The following KIRREL3 variants were observed in gnomAD, a reference collection of about 807,000 sequenced individuals.
KIRREL3 encodes the protein kirre like nephrin family adhesion molecule 3, also known as kin of IRRE-like protein 3.
Under a neutral mutation model 89.7 loss-of-function variants are expected in KIRREL3, and 36 were observed. The ratio of observed to expected loss-of-function variants is 0.40; its 90% confidence interval spans 0.31 to 0.53. The LOEUF is 0.53. Among genes scored for constraint, KIRREL3 ranks in the 20% least tolerant of loss-of-function variants. The probability of loss-of-function intolerance (pLI) is 0.49; values close to 1 mark genes in which losing one functional copy is unlikely to be tolerated. For synonymous variants in KIRREL3, 445 were observed against 441.4 expected (o/e 1.01, Z -0.10); for missense variants, 864 against 1,056.6 (o/e 0.82, Z 2.53).
chr11:126,929,884 T>C (rs983465271), intron 1 of KIRREL3, among the ~76,000 whole-genome samples: 2 of 151,724 alleles, frequency 1.3e-5, no homozygotes, highest in South Asian at 4.2e-4. Context: ...AGTAACACCA[T>C]GTGACATAAC....
At position 126,977,710 on chromosome 11, in the gene KIRREL3, C is replaced by T. The variant is rs1219743664; in HGVS notation, c.55+22745G>A. Among the ~76,000 whole-genome samples the T allele has an allele frequency of 6.6e-6, 1 of 152,164 alleles. No individual in the cohort carries two copies. The highest frequency in any genetic ancestry group is 1.5e-5 in the Non-Finnish European group (1 of 68,044). The stretch of plus-strand genomic sequence containing the variant: ...ACTTGAGCCCAGAGTGACAGAGTCC[C>T]TTATTGATTTTTCCCCAACCTTCTG... On this transcript the variant is annotated intron_variant, in intron 1 of 16. Coordinates refer to ENST00000525144, the MANE Select transcript of KIRREL3 (RefSeq NM_032531.4). This position sits in a 1 kb window ranked among gnomAD's most constrained non-coding sequence, Gnocchi z 4.7.
chr11:126,958,275 T>C (rs1178172352), intron 1 of KIRREL3, among the ~76,000 whole-genome samples: 1 of 152,212 alleles, frequency 6.6e-6, no homozygotes, highest in Non-Finnish European at 1.5e-5. Flanking sequence ...ATTGGAAACA[T>C]GGAGATGTCC....
rs150311031 is a variant in KIRREL3, at chr11:126,636,957, G to A, written c.56-74045C>T. Reference sequence around the variant, plus strand: ...AGAGATGACTGAGGGATAAAAAGGCGATGTGAAAGTCCCTAGGAGGGTAGG... The same window carrying A: ...AGAGATGACTGAGGGATAAAAAGGCAATGTGAAAGTCCCTAGGAGGGTAGG... On this transcript the variant is annotated intron_variant, in intron 1 of 16. Coordinates refer to ENST00000525144, the MANE Select transcript of KIRREL3 (RefSeq NM_032531.4). The surrounding 1 kb of genome is among the most constrained non-coding windows in gnomAD (Gnocchi z 4.4). 4.0e-3 allele frequency among the ~76,000 whole-genome samples: 602 copies of A among 152,306 alleles called. 1 individual carries two copies. Among genetic ancestry groups the A allele is most frequent in the African/African-American group, 0.014 (565 of 41,562 alleles).
chr11:126,971,136 T>C (rs1949415976), intron 1 of KIRREL3, among the ~76,000 whole-genome samples: 1 of 152,172 alleles, frequency 6.6e-6, no homozygotes. Flanking sequence ...TATTTACGAG[T>C]ACAAAGTATT....
chr11:126,838,108 T>C (rs1943840894), intron 1 of KIRREL3, among the ~76,000 whole-genome samples: 1 of 152,196 alleles, frequency 6.6e-6, no homozygotes, highest in African/African-American at 2.4e-5. Context: ...GGTAATAAGA[T>C]ACAGCAACTA....
At chr11:126,942,755 T>A (rs1346046624) in intron 1 of KIRREL3, among the ~76,000 whole-genome samples, 1 of 152,004 alleles carries the variant, frequency 6.6e-6, no homozygotes, top group Non-Finnish European at 1.5e-5. Context: ...ACTCCAAGAG[T>A]AGATGCGCTC....
intron 2 of KIRREL3, chr11:126,543,848 C>G (rs181467778): frequency 6.6e-6 from 1 of 152,376 alleles, no homozygotes. Flanking sequence ...TCTCTCTGCT[C>G]GGCCTTGGGC....
chr11:126,728,538 T>A (rs1948484305), intron 1 of KIRREL3, among the ~76,000 whole-genome samples: 1 of 152,108 alleles, frequency 6.6e-6, no homozygotes, highest in Non-Finnish European at 1.5e-5. Context: ...GGGTGTCTGA[T>A]CACCTGAGTG....
At chr11:126,717,298 C>G (rs750210927) in intron 1 of KIRREL3, among the ~76,000 whole-genome samples, 1 of 152,100 alleles carries the variant, frequency 6.6e-6, no homozygotes, top group Non-Finnish European at 1.5e-5. Flanking sequence ...CCGTCCAAGG[C>G]TGTCATGTTA....
At position 126,780,145 on chromosome 11, in the gene KIRREL3, G is replaced by A. The variant is rs149300662; in HGVS notation, c.56-217233C>T. Among the ~76,000 whole-genome samples, 25 of 152,268 alleles carry A rather than the reference G, an allele frequency of 1.6e-4. No individual in the cohort carries two copies. The East Asian group carries it at 4.8e-3, about 29-fold the overall frequency. ...GAGATGGACATGGAAGCACAGGGGA[G>A]AGACAAGCGGGGAGAAATTCAGGTT... On this transcript the variant is annotated intron_variant, in intron 1 of 16. Transcript: ENST00000525144. This position sits in a 1 kb window ranked among gnomAD's most constrained non-coding sequence, Gnocchi z 5.3.
In KIRREL3 at chr11:126,946,891, G is replaced by T; in HGVS notation, c.55+53564C>A. On this transcript the variant is annotated intron_variant, in intron 1 of 16. Coordinates refer to ENST00000525144, the MANE Select transcript of KIRREL3 (RefSeq NM_032531.4). The surrounding 1 kb of genome is among the most constrained non-coding windows in gnomAD (Gnocchi z 4.1). ...CTAGGGTGTGGTGGGCCTTGAACTAGGCATTTGGTATCACCATACAGAGAT... is the reference window on the plus strand; with the variant it reads ...CTAGGGTGTGGTGGGCCTTGAACTATGCATTTGGTATCACCATACAGAGAT... Among the ~76,000 whole-genome samples, 1 of 152,180 alleles carries T rather than the reference G, an allele frequency of 6.6e-6. No individual in the cohort carries two copies. The highest frequency in any genetic ancestry group is 1.9e-4 in the East Asian group (1 of 5,198).
chr11:126,545,482 G>A (rs921333985), intron 2 of KIRREL3, among the ~76,000 whole-genome samples: 1 of 152,038 alleles, frequency 6.6e-6, no homozygotes, highest in African/African-American at 2.4e-5. Flanking sequence ...GGAAATTAGA[G>A]TCCCTGGGCC....
chr11:126,597,607 A>C (rs1942458780), intron 1 of KIRREL3, among the ~76,000 whole-genome samples: 1 of 152,154 alleles, frequency 6.6e-6, no homozygotes, highest in South Asian at 2.1e-4. Context: ...TTGGAGCTCC[A>C]AACTATTTCG....
chr11:126,665,183 C>T (rs1351835482), intron 1 of KIRREL3, among the ~76,000 whole-genome samples: 2 of 152,134 alleles, frequency 1.3e-5, no homozygotes, highest in Admixed American at 1.3e-4. Flanking sequence ...AAAAACAGAG[C>T]CCATTAAAAA....
At chr11:126,848,149 C>T (rs1327613713) in intron 1 of KIRREL3, among the ~76,000 whole-genome samples, 2 of 152,164 alleles carry the variant, frequency 1.3e-5, no homozygotes, top group South Asian at 2.1e-4. Context: ...TTACCCAACT[C>T]ATAGGTATTT....
rs562938458 is a variant in KIRREL3 at position 126,492,993 on chromosome 11, G to A, written c.434-19527C>T. Among the ~76,000 whole-genome samples, 3 of 152,342 alleles carry A rather than the reference G, an allele frequency of 2.0e-5. No individual in the cohort carries two copies. The highest frequency in any genetic ancestry group is 1.9e-4 in the East Asian group (1 of 5,174). ...GGCCGTAGAACAGCCTCGGTGCTGCGGCTAACTGACAGGGGGCAGGAATTG... is the reference window on the plus strand; with the variant it reads ...GGCCGTAGAACAGCCTCGGTGCTGCAGCTAACTGACAGGGGGCAGGAATTG... On this transcript the variant is annotated intron_variant, in intron 4 of 16. Transcript: ENST00000525144. The surrounding 1 kb of genome is among the most constrained non-coding windows in gnomAD (Gnocchi z 4.8).
intron 1 of KIRREL3, among the ~76,000 whole-genome samples, chr11:126,959,774 G>A (rs1410928491): frequency 6.9e-6 from 1 of 145,896 alleles, no homozygotes; most frequent in Non-Finnish European, 1.5e-5. Flanking sequence ...CCAACCTGGG[G>A]GCCACCTCTT....
intron 1 of KIRREL3, among the ~76,000 whole-genome samples, chr11:126,920,798 T>C (rs529789423): frequency 4.6e-4 from 70 of 152,192 alleles, no homozygotes; most frequent in Non-Finnish European, 7.9e-4. Context: ...CGTACCTTCC[T>C]AGAAAACCCC....
Position 126,860,610 on chromosome 11 carries a change from A to T in KIRREL3, c.55+139845T>A, listed in dbSNP as rs368149818. On this transcript the variant is annotated intron_variant, in intron 1 of 16. Coordinates refer to ENST00000525144, the MANE Select transcript of KIRREL3 (RefSeq NM_032531.4). This position sits in a 1 kb window ranked among gnomAD's most constrained non-coding sequence, Gnocchi z 4.6. ...CAAAGGCCTTGGATTAGGGCTGAAGAGTTGGGACCTACCCTATAAACAACG... is the reference window on the plus strand; with the variant it reads ...CAAAGGCCTTGGATTAGGGCTGAAGTGTTGGGACCTACCCTATAAACAACG... 1.2e-3 allele frequency among the ~76,000 whole-genome samples: 183 copies of T among 152,288 alleles called. 3 individuals are homozygous for T. In the South Asian group the frequency reaches 0.036, roughly 30 times the overall value.
Sources: allele counts gnomAD v4.1 joint callset (sites outside exome capture counted in the v4.1 genomes callset), GRCh38; gene constraint gnomAD v4.1.1; non-coding constraint Gnocchi (gnomAD v3.1); transcripts MANE v1.5; gene names NCBI Gene and HGNC (gene_info 2026-07-23, HGNC 2026-07-21).